Variants in CASQ1 observed in about 807,000 individuals in gnomAD.
The protein encoded by CASQ1 is calsequestrin-1.
Under a neutral mutation model 49.5 loss-of-function variants are expected in CASQ1, and 40 were observed. The ratio of observed to expected loss-of-function variants is 0.81; its 90% CI spans 0.63 to 1.05. CASQ1 has a LOEUF of 1.05. CASQ1 is among the 50% of genes least tolerant of loss of function. The pLI is 0.00. For synonymous variants in CASQ1, 174 were observed against 187.2 expected (o/e 0.93, Z 0.58); for missense variants, 469 against 486.9 (o/e 0.96, Z 0.35).
chr1:160,195,470 C>T lies in CASQ1; in HGVS notation c.587C>T (p.Ala196Val), dbSNP rs868427338. Residue 196 changes from alanine (A) to valine (V), a missense_variant, in exon 5 of 11, where the codon GCC becomes GTC. Coordinates refer to ENST00000368078, the MANE Select transcript of CASQ1 (RefSeq NM_001231.5). The stretch of plus-strand genomic sequence containing the variant: ...GCATTCCACCCCCCAGATTACAAAG[C>T]CTTCGAGGATGCAGCTGAGGAGTTT... The part of the protein sequence containing the change: ...FKSKDSEHYK[A>V]FEDAAEEFHP... 6.2e-7 allele frequency: 1 copy of T among 1,614,096 alleles called. No homozygotes were observed. Among genetic ancestry groups the T allele is most frequent in the Non-Finnish European group, 8.5e-7 (1 of 1,179,960 alleles).
intron 2 of CASQ1, 51 bp from the exon 3 acceptor site, chr1:160,193,696 G>A: frequency 9.3e-7 from 1 of 1,075,028 alleles, no homozygotes; most frequent in East Asian, 2.6e-5. Flanking sequence ...TCTGTGGGAA[G>A]CCTGGGATCA....
chr1:160,194,764 C>T (rs1304629678), intron 3 of CASQ1, among the ~76,000 whole-genome samples: 4 of 151,034 alleles, frequency 2.6e-5, no homozygotes, highest in African/African-American at 9.8e-5. Context: ...ATCACACACA[C>T]ATCATATACA....
intron 3 of CASQ1, 55 bp downstream of exon 3, chr1:160,193,902 CT>C: frequency 8.9e-7 from 1 of 1,122,044 alleles, no homozygotes; most frequent in South Asian, 1.2e-5. Context: ...TGCCTGCCCC[CT>C]AGTCCCTACC....
At chr1:160,191,746 A>G (rs1654082059) in intron 1 of CASQ1, among the ~76,000 whole-genome samples, 1 of 152,218 alleles carries the variant, frequency 6.6e-6, no homozygotes, top group Admixed American at 6.5e-5. Flanking sequence ...AAGAAAAGAA[A>G]AAAAACCTAT....
Position 160,191,028 on chromosome 1 carries a change from G to A in CASQ1, c.277G>A (p.Glu93Lys), listed in dbSNP as rs751350723. Residue 93 changes from glutamate to lysine, a missense_variant and splice_region_variant, in exon 1 of 11, where the codon GAG becomes AAG. Transcript: ENST00000368078. ...ATTTGAGATGGAGGAGCTGATCCTG[G>A]AGGTGAGTTGGGGGCACTGCAGGCC... ...RQFEMEELIL[E>K]LAAQVLEDKG... 12 of 1,613,892 alleles carry A rather than the reference G, an allele frequency of 7.4e-6. No homozygotes were observed. Among genetic ancestry groups the A allele is most frequent in the African/African-American group, 1.3e-5 (1 of 75,060 alleles).
chr1:160,192,744 A>G lies in CASQ1; in HGVS notation c.280-58A>G, dbSNP rs1654106122. ...GACCCAACTTGAAAGCATGAGAGGG[A>G]GAATAGGGGATAATAAAAATTCCAG... On this transcript the variant is annotated intron_variant, in intron 1 of 10. Coordinates refer to ENST00000368078, the MANE Select transcript of CASQ1 (RefSeq NM_001231.5). 2.8e-6 allele frequency: 4 copies of G among 1,441,064 alleles called. No individual in the cohort carries two copies. The Admixed American group carries it at 5.1e-5, about 18-fold the overall frequency. 89.3% of individuals were successfully genotyped at this position (1,441,064 alleles called of 1,614,324 possible).
In CASQ1 at chr1:160,197,604, A is replaced by T; in HGVS notation, c.818A>T (p.Tyr273Phe). 6.2e-7 allele frequency: 1 copy of T among 1,610,772 alleles called. No homozygotes were observed. Among genetic ancestry groups the T allele is most frequent in the Non-Finnish European group, 8.5e-7 (1 of 1,176,890 alleles). ...AGGAAACTGAAGCCGGAGAGTATGT[A>T]TGAGACCTGGGTGAGTGCCCCTGGC... The part of the protein sequence containing the change: ...TLRKLKPESM[Y>F]ETWEDDMDGI... Residue 273 changes from tyrosine to phenylalanine, a missense_variant, in exon 7 of 11, where the codon TAT (tyrosine) becomes TTT (phenylalanine). By Grantham distance (22) the Tyr-to-Phe change is conservative. Transcript: ENST00000368078.
In CASQ1 at chr1:160,194,825, T is replaced by C. The variant is rs188007669; in HGVS notation, c.466-187T>C. Among the ~76,000 whole-genome samples the C allele has an allele frequency of 4.0e-3, 594 of 150,176 alleles. 12 individuals are homozygous for C. In the East Asian group the frequency reaches 0.04, roughly 10 times the overall value. On this transcript the variant is annotated intron_variant, in intron 3 of 10. Transcript: ENST00000368078. ...ATCACATGCACACACACACCACACA[T>C]GCACACCACACACTGCACACATCAC...
At chr1:160,195,719 C>A (rs1654208994) in intron 5 of CASQ1, among the ~76,000 whole-genome samples, 178 bp from the exon 6 acceptor site, 1 of 147,864 alleles carries the variant, frequency 6.8e-6, no homozygotes, top group Non-Finnish European at 1.5e-5. Flanking sequence ...TGATCTAACA[C>A]CCCTCTCATG....
At position 160,197,598 on chromosome 1, in the gene CASQ1, G is replaced by A. The variant is rs1270890841; in HGVS notation, c.812G>A (p.Ser271Asn). 6.2e-7 allele frequency: 1 copy of A among 1,611,750 alleles called. No homozygotes were observed. Among genetic ancestry groups the A allele is most frequent in the Admixed American group, 1.7e-5 (1 of 60,024 alleles). Residue 271 changes from serine to asparagine, a missense_variant, in exon 7 of 11, where the codon AGT (serine) becomes AAT (asparagine). Coordinates refer to ENST00000368078, the MANE Select transcript of CASQ1 (RefSeq NM_001231.5). Reference sequence around the variant, plus strand: ...ACCCTGAGGAAACTGAAGCCGGAGAGTATGTATGAGACCTGGGTGAGTGCC... The same window carrying A: ...ACCCTGAGGAAACTGAAGCCGGAGAATATGTATGAGACCTGGGTGAGTGCC... The part of the protein sequence containing the change: ...RSTLRKLKPE[S>N]MYETWEDDMD...
At chr1:160,195,796 GCTTT>G (rs1445065509) in intron 5 of CASQ1, 97 bp from the exon 6 acceptor site, 13 of 1,340,982 alleles carry the variant, frequency 9.7e-6, no homozygotes, top group African/African-American at 1.5e-5. Context: ...AAGGATCCCG[GCTTT>G]CTGACTCCCT....
intron 4 of CASQ1, 112 bp from the exon 5 acceptor site, chr1:160,195,349 G>A: frequency 1.0e-6 from 1 of 980,960 alleles, no homozygotes; most frequent in Non-Finnish European, 1.6e-6. Context: ...GAACTAGAAG[G>A]GGTGGGTCTC....
At chr1:160,194,181 A>G (rs894863467) in intron 3 of CASQ1, among the ~76,000 whole-genome samples, 4 of 142,786 alleles carry the variant, frequency 2.8e-5, no homozygotes, top group African/African-American at 1.1e-4. Flanking sequence ...CACACATATC[A>G]CATGCACACA....
intron 8 of CASQ1, 106 bp from the exon 9 acceptor site, chr1:160,198,847 A>G: frequency 8.4e-7 from 1 of 1,192,062 alleles, no homozygotes; most frequent in Non-Finnish European, 1.3e-6. Flanking sequence ...GCCTAGGGCT[A>G]GACATGTGAA....
chr1:160,193,019 AG>A, intron 2 of CASQ1, 133 bp downstream of exon 2: 1 of 706,634 alleles, frequency 1.4e-6, no homozygotes, highest in Non-Finnish European at 2.5e-6. Context: ...ATTCTAAAAG[AG>A]GGGGTGAGAA....
At chr1:160,194,318 A>G (rs373549304) in intron 3 of CASQ1, among the ~76,000 whole-genome samples, 5,422 of 144,490 alleles carry the variant, frequency 0.038, 267 homozygotes, top group African/African-American at 0.12. Context: ...CACACGCCAC[A>G]CATGTACACA....
Position 160,190,662 on chromosome 1 carries a change from C to G in CASQ1, c.-90C>G. 1 of 1,273,254 alleles carries G rather than the reference C, an allele frequency of 7.9e-7. No homozygotes were observed. The allele number at this position is 1,273,254 out of a possible 1,614,324, so 78.9% of individuals were successfully genotyped here. The stretch of plus-strand genomic sequence containing the variant: ...CCCAATCCCCCCTCCCACTTGAGCC[C>G]CTAACTCAGAATCTGGGACCCAGGG... On this transcript the variant is annotated 5_prime_UTR_variant, in exon 1 of 11. Coordinates refer to ENST00000368078, the MANE Select transcript of CASQ1 (RefSeq NM_001231.5).
At position 160,195,532 on chromosome 1, in the gene CASQ1, A is replaced by G; in HGVS notation, c.649A>G (p.Lys217Glu). ...YIPFFATFDSKVAKKLTLKLN... is the reference protein window; with the variant it reads ...YIPFFATFDSEVAKKLTLKLN... ...CCCCTTCTTCGCCACCTTCGACAGC[A>G]AGGTTCTCCTCCCCGCAGCTGTATT... The change falls in exon 5 of 11, where the codon AAG (lysine) becomes GAG (glutamate). Residue 217 changes from lysine to glutamate, a missense_variant and splice_region_variant. By Grantham distance (56) the Lys-to-Glu change is moderately conservative. Transcript: ENST00000368078. 6.2e-7 allele frequency: 1 copy of G among 1,613,098 alleles called. No individual in the cohort carries two copies. Among genetic ancestry groups the G allele is most frequent in the South Asian group, 1.1e-5 (1 of 91,038 alleles).
chr1:160,199,134 GAGGT>G (rs1248208460), intron 9 of CASQ1, 81 bp downstream of exon 9: 2 of 934,040 alleles, frequency 2.1e-6, no homozygotes, highest in Non-Finnish European at 3.5e-6. Context: ...CTTTGTTTCA[GAGGT>G]CCCATCCCCA....
Sources: gnomAD v4.1 joint callset for allele counts (sites outside exome capture counted in the v4.1 genomes callset) on GRCh38, gnomAD v4.1.1 for gene constraint, MANE v1.5 for transcripts, NCBI Gene and HGNC (gene_info 2026-07-23, HGNC 2026-07-21) for gene names.